The following GSK3B variants were observed in gnomAD, a reference collection of about 807,000 sequenced individuals.
GSK3B encodes glycogen synthase kinase-3 beta.
GSK3B carries 15 observed loss-of-function variants against 56.4 expected under a neutral mutation model. That is an observed-to-expected ratio of 0.27 (90% CI 0.18 to 0.41). The LOEUF (loss-of-function observed/expected upper bound fraction) is 0.41, where lower values mean the gene tolerates loss of function less well. GSK3B is among the 10% of genes least tolerant of loss of function. The probability of loss-of-function intolerance (pLI) is 1.00; values close to 1 mark genes in which losing one functional copy is unlikely to be tolerated. For missense variants in GSK3B, 300 were observed against 513.4 expected (o/e 0.58, Z 4.02); for synonymous variants, 181 against 188.9 (o/e 0.96, Z 0.34).
chr3:119,998,405 C>T (rs1474345880), intron 2 of GSK3B, among the ~76,000 whole-genome samples: 1 of 152,176 alleles, frequency 6.6e-6, no homozygotes, highest in East Asian at 1.9e-4. Context: ...CAGATATTTC[C>T]TCCTTCAGAC....
chr3:120,002,319 A>G (rs2057685883), intron 1 of GSK3B, 80 bp from the exon 2 acceptor site: 1 of 661,542 alleles, frequency 1.5e-6, no homozygotes, highest in African/African-American at 1.9e-5. Flanking sequence ...ATACAAGGTA[A>G]ACTATATTCT....
intron 9 of GSK3B, among the ~76,000 whole-genome samples, chr3:119,844,967 T>C (rs1009784967): frequency 6.6e-6 from 1 of 152,178 alleles, no homozygotes; most frequent in Non-Finnish European, 1.5e-5. Context: ...TCCACCATGA[T>C]CAAGTCGGCT....
chr3:120,091,582 A>T (rs112365738), intron 1 of GSK3B, among the ~76,000 whole-genome samples: 3 of 152,200 alleles, frequency 2.0e-5, no homozygotes, highest in African/African-American at 7.2e-5. Flanking sequence ...TAGCTGAAAT[A>T]GACTGACTGA....
rs72548715 is a variant in GSK3B, at chr3:119,826,647, CAAT to C, written c.*138_*140del. On this transcript the variant is annotated 3_prime_UTR_variant, in exon 11 of 11. Coordinates refer to ENST00000264235, the MANE Select transcript of GSK3B (RefSeq NM_001146156.2). ...ATTTTACAAGGTTAAATAAGAACAACAATAATAATAAAAAAATTGAACACTAAA... is the reference window on the plus strand; with the variant it reads ...ATTTTACAAGGTTAAATAAGAACAACAATAATAAAAAAATTGAACACTAAA... 6.5e-4 allele frequency: 358 copies of C among 549,728 alleles called. 1 individual carries two copies. The highest frequency in any genetic ancestry group is 5.0e-4 in the Non-Finnish European group (140 of 282,118). 34.1% of individuals were successfully genotyped at this position (549,728 alleles called of 1,614,324 possible).
At chr3:119,974,917 G>C (rs1024330577) in intron 2 of GSK3B, among the ~76,000 whole-genome samples, 12 of 152,146 alleles carry the variant, frequency 7.9e-5, no homozygotes, top group African/African-American at 2.4e-4. Context: ...TTAGAAGACA[G>C]GTTAGCACTT....
At chr3:120,035,352 C>T (rs1347335418) in intron 1 of GSK3B, among the ~76,000 whole-genome samples, 3 of 152,232 alleles carry the variant, frequency 2.0e-5, no homozygotes, top group Non-Finnish European at 2.9e-5. Context: ...TTTGGACCTC[C>T]AGCTTCTAAA....
intron 6 of GSK3B, among the ~76,000 whole-genome samples, chr3:119,911,293 G>A (rs910320977): frequency 4.6e-5 from 7 of 152,136 alleles, no homozygotes; most frequent in Admixed American, 6.5e-5. Flanking sequence ...TCAGCAGTGG[G>A]CTTCAAATAT....
chr3:119,904,797 T>A (rs1435540282), intron 7 of GSK3B, among the ~76,000 whole-genome samples: 2 of 152,140 alleles, frequency 1.3e-5, no homozygotes, highest in Non-Finnish European at 2.9e-5. Flanking sequence ...TATTTTATTG[T>A]ACATTGGACA....
intron 1 of GSK3B, among the ~76,000 whole-genome samples, chr3:120,082,627 C>T (rs535290228): frequency 6.6e-6 from 1 of 151,820 alleles, no homozygotes; most frequent in Non-Finnish European, 1.5e-5. Context: ...AACTCCTGAC[C>T]TCGTGATCCA....
chr3:119,953,634 G>T (rs1339592436), intron 2 of GSK3B, among the ~76,000 whole-genome samples: 1 of 151,996 alleles, frequency 6.6e-6, no homozygotes, highest in Non-Finnish European at 1.5e-5. Flanking sequence ...TTCCACTCAT[G>T]ACCAATGTGA....
intron 1 of GSK3B, among the ~76,000 whole-genome samples, chr3:120,039,064 A>T (rs2058045295): frequency 1.3e-5 from 2 of 152,254 alleles, no homozygotes; most frequent in South Asian, 4.1e-4. Context: ...GAAGATATAC[A>T]GGTAGCAAAT....
At chr3:119,959,926 A>G (rs918719753) in intron 2 of GSK3B, among the ~76,000 whole-genome samples, 5 of 151,794 alleles carry the variant, frequency 3.3e-5, no homozygotes, top group Admixed American at 3.3e-4. Flanking sequence ...CAGCAATTGC[A>G]CTCTTGGGCA....
At chr3:119,966,484 C>T (rs1182062538) in intron 2 of GSK3B, among the ~76,000 whole-genome samples, 1 of 152,102 alleles carries the variant, frequency 6.6e-6, no homozygotes, top group East Asian at 1.9e-4. Flanking sequence ...TCTTAAAGGG[C>T]TCTCTATTCA....
intron 6 of GSK3B, among the ~76,000 whole-genome samples, chr3:119,912,132 CAG>C (rs1014354371): frequency 6.6e-6 from 1 of 152,046 alleles, no homozygotes; most frequent in Non-Finnish European, 1.5e-5. Context: ...GAGGCAACTG[CAG>C]AGTTATTAAT....
chr3:120,048,339 T>C (rs2058120302), intron 1 of GSK3B, among the ~76,000 whole-genome samples: 1 of 152,210 alleles, frequency 6.6e-6, no homozygotes, highest in African/African-American at 2.4e-5. Context: ...GAGTTTCTCT[T>C]AGAGGGGAAC....
At position 119,999,514 on chromosome 3, in the gene GSK3B, T is replaced by C. The variant is rs576252446; in HGVS notation, c.282+2532A>G. On this transcript the variant is annotated intron_variant, in intron 2 of 10. Coordinates refer to ENST00000264235, the MANE Select transcript of GSK3B (RefSeq NM_001146156.2). ...AACTGCTCATGTCAAAAAATACATATAGTAAGTATCTGCTATCATCATTAA... is the reference window on the plus strand; with the variant it reads ...AACTGCTCATGTCAAAAAATACATACAGTAAGTATCTGCTATCATCATTAA... Among the ~76,000 whole-genome samples, 5 of 152,310 alleles carry C rather than the reference T, an allele frequency of 3.3e-5. No homozygotes were observed. The South Asian group carries it at 8.3e-4, about 25-fold the overall frequency.
chr3:119,863,018 T>C (rs1485612649), intron 9 of GSK3B, among the ~76,000 whole-genome samples: 11 of 152,198 alleles, frequency 7.2e-5, no homozygotes, highest in Admixed American at 4.6e-4. Flanking sequence ...TACACAAATA[T>C]AGCCAATTCA....
At chr3:119,946,450 A>C (rs2057100792) in intron 3 of GSK3B, among the ~76,000 whole-genome samples, 1 of 152,216 alleles carries the variant, frequency 6.6e-6, no homozygotes, top group East Asian at 1.9e-4. Flanking sequence ...AACATTAGAT[A>C]TTATATGCAT....
chr3:119,834,257 T>C (rs2055653512), intron 10 of GSK3B, among the ~76,000 whole-genome samples: 1 of 152,232 alleles, frequency 6.6e-6, no homozygotes, highest in Non-Finnish European at 1.5e-5. Flanking sequence ...GTCTTAGATA[T>C]TAATGTTATT....
Sources: gnomAD v4.1 joint callset for allele counts (sites outside exome capture counted in the v4.1 genomes callset) on GRCh38, gnomAD v4.1.1 for gene constraint, MANE v1.5 for transcripts, NCBI Gene and HGNC (gene_info 2026-07-23, HGNC 2026-07-21) for gene names.